Variants in ENTREP2 observed in about 807,000 individuals in gnomAD.
ENTREP2 encodes endosomal transmembrane epsin interactor 2, also known as protein ENTREP2.
the ENTREP2 span, among the ~76,000 whole-genome samples, chr15:29,389,496 T>C: frequency 9.2e-5 from 14 of 152,134 alleles, no homozygotes; most frequent in Admixed American, 2.0e-4. Flanking sequence ...TGTGCATGCA[T>C]TGCTTGCTGT....
chr15:29,665,283 A>T, the ENTREP2 span, among the ~76,000 whole-genome samples: 1 of 152,206 alleles, frequency 6.6e-6, no homozygotes, highest in African/African-American at 2.4e-5. Context: ...AAAATTCACC[A>T]TAGGTTTCAT....
chr15:29,567,234 G>C, the ENTREP2 span, among the ~76,000 whole-genome samples: 3 of 152,246 alleles, frequency 2.0e-5, no homozygotes, highest in African/African-American at 7.2e-5. Context: ...GGCCAGGCCT[G>C]ACACCCACCC....
At chr15:29,613,559 GGC>G in the ENTREP2 span, 2 of 218,744 alleles carry the variant, frequency 9.1e-6, no homozygotes, top group Non-Finnish European at 1.9e-5. Context: ...TTGGCACTGT[GGC>G]TGAGCCCTGC....
the ENTREP2 span, among the ~76,000 whole-genome samples, chr15:29,472,428 A>AACAC: frequency 0.18 from 25,676 of 140,378 alleles, 2,468 homozygotes; most frequent in South Asian, 0.25. Context: ...CACAACACAC[A>AACAC]ACACACACAC....
At chr15:29,157,386 C>A in the ENTREP2 span, among the ~76,000 whole-genome samples, 1 of 152,206 alleles carries the variant, frequency 6.6e-6, no homozygotes, top group Non-Finnish European at 1.5e-5. Context: ...AGGCTCCCTA[C>A]AGAAGAGGGC....
the ENTREP2 span, among the ~76,000 whole-genome samples, chr15:29,415,159 A>C: frequency 2.6e-5 from 4 of 152,226 alleles, no homozygotes; most frequent in Non-Finnish European, 5.9e-5. Context: ...TTATGAGGCC[A>C]GCATCATCCT....
chr15:29,444,146 A>C, the ENTREP2 span, among the ~76,000 whole-genome samples: 44 of 87,636 alleles, frequency 5.0e-4, 3 homozygotes, highest in Admixed American at 2.3e-3. Context: ...GACAGAAAGA[A>C]AGACAGACAG....
chr15:29,634,576 G>A, the ENTREP2 span, among the ~76,000 whole-genome samples: 1 of 152,238 alleles, frequency 6.6e-6, no homozygotes, highest in East Asian at 1.9e-4. Context: ...GTGGACACCA[G>A]CTGGGTATCC....
chr15:29,638,741 C>A, the ENTREP2 span, among the ~76,000 whole-genome samples: 25 of 152,306 alleles, frequency 1.6e-4, no homozygotes, highest in African/African-American at 5.5e-4. Flanking sequence ...CCGGGCGTGG[C>A]TGTTGCCTAG....
the ENTREP2 span, among the ~76,000 whole-genome samples, chr15:29,273,887 T>C: frequency 2.6e-5 from 4 of 152,152 alleles, no homozygotes; most frequent in South Asian, 2.1e-4. Context: ...GGCTGCACTA[T>C]TGGATTCCCT....
the ENTREP2 span, among the ~76,000 whole-genome samples, chr15:29,308,349 C>G: frequency 1.3e-5 from 2 of 151,104 alleles, no homozygotes; most frequent in South Asian, 4.2e-4. Flanking sequence ...GCACTCCAGC[C>G]TGGCTGACAG....
chr15:29,444,228 AAGAAAGAAAGAAAGAAAGAAAG>A, the ENTREP2 span, among the ~76,000 whole-genome samples: 16 of 148,170 alleles, frequency 1.1e-4, no homozygotes, highest in African/African-American at 3.5e-4. Context: ...GAAAGAAAGA[AAGAAAGAAAGAAAGAAAGAAAG>A]AGAAAGAGAA....
At chr15:29,548,156 A>G in the ENTREP2 span, among the ~76,000 whole-genome samples, 4 of 152,258 alleles carry the variant, frequency 2.6e-5, no homozygotes, top group South Asian at 8.3e-4. Context: ...ATTGAACTGT[A>G]CACTTACAAT....
chr15:29,401,054 GACACAA>G, the ENTREP2 span, among the ~76,000 whole-genome samples: 1 of 152,224 alleles, frequency 6.6e-6, no homozygotes. Flanking sequence ...AGATGGCACA[GACACAA>G]ACCCCATGAG....
chr15:29,624,485 T>A, the ENTREP2 span, among the ~76,000 whole-genome samples: 1 of 152,302 alleles, frequency 6.6e-6, no homozygotes, highest in African/African-American at 2.4e-5. Flanking sequence ...TGATCAGGGT[T>A]ATGTCTCTCT....
At chr15:29,417,343 T>C in the ENTREP2 span, among the ~76,000 whole-genome samples, 4 of 152,136 alleles carry the variant, frequency 2.6e-5, no homozygotes, top group Non-Finnish European at 4.4e-5. Context: ...TTGTCCTTTG[T>C]AGGGACATGG....
chr15:29,342,463 C>A, the ENTREP2 span, among the ~76,000 whole-genome samples: 1 of 152,142 alleles, frequency 6.6e-6, no homozygotes, highest in Non-Finnish European at 1.5e-5. Context: ...GTCTCCCTTC[C>A]GATGTACAGG....
the ENTREP2 span, among the ~76,000 whole-genome samples, chr15:29,210,402 G>T: frequency 6.6e-6 from 1 of 152,212 alleles, no homozygotes; most frequent in Non-Finnish European, 1.5e-5. Context: ...ACCAGTACTG[G>T]TCCTTGACCT....
At chr15:29,375,289 T>C in the ENTREP2 span, 1 of 152,250 alleles carries the variant, frequency 6.6e-6, no homozygotes, top group East Asian at 1.9e-4. Flanking sequence ...ACTGGCACTT[T>C]TGTCTCTAGT....
Sources: allele counts gnomAD v4.1 joint callset (sites outside exome capture counted in the v4.1 genomes callset), GRCh38; gene constraint gnomAD v4.1.1; transcripts MANE v1.5; gene names NCBI Gene and HGNC (gene_info 2026-07-23, HGNC 2026-07-21).